The following DCT variants were observed in gnomAD, a reference collection of about 807,000 sequenced individuals.
The protein encoded by DCT is L-dopachrome tautomerase.
In DCT, 47 loss-of-function variants were observed where a neutral mutation model predicts 53.0. That is an observed-to-expected ratio of 0.89 (90% confidence interval 0.70 to 1.13). The LOEUF (loss-of-function observed/expected upper bound fraction) is 1.13, where lower values mean the gene tolerates loss of function less well. DCT is among the 50% of genes most tolerant of loss of function. The pLI is 0.00. For synonymous variants in DCT, 244 were observed against 237.0 expected (o/e 1.03, Z -0.27); for missense variants, 669 against 637.4 (o/e 1.05, Z -0.53).
At chr13:94,500,179 C>T in the DCT span, among the ~76,000 whole-genome samples, 1 of 152,252 alleles carries the variant, frequency 6.6e-6, no homozygotes, top group South Asian at 2.1e-4. Context: ...CACTTCCCAT[C>T]CCTGACAACA....
At chr13:94,500,917 C>T in the DCT span, among the ~76,000 whole-genome samples, 232 of 152,312 alleles carry the variant, frequency 1.5e-3, no homozygotes, top group Non-Finnish European at 2.7e-3. Context: ...CATTTGGTGA[C>T]GATCCTTCCA....
the DCT span, among the ~76,000 whole-genome samples, chr13:94,502,977 T>C: frequency 1.3e-5 from 2 of 152,322 alleles, no homozygotes; most frequent in East Asian, 3.9e-4. Context: ...TATAAAATAT[T>C]GTTAGAAACA....
chr13:94,485,299 T>A, the DCT span, among the ~76,000 whole-genome samples: 1 of 152,186 alleles, frequency 6.6e-6, no homozygotes, highest in Admixed American at 6.5e-5. Context: ...AGGTAGAACC[T>A]TGGAGGGCTC....
At chr13:94,457,232 G>A (rs952553040) in intron 6 of DCT, among the ~76,000 whole-genome samples, 1 of 152,226 alleles carries the variant, frequency 6.6e-6, no homozygotes, top group Non-Finnish European at 1.5e-5. Context: ...CAAAATCTGT[G>A]TGTTGAAGCC....
At chr13:94,548,459 C>T in the DCT span, among the ~76,000 whole-genome samples, 1 of 152,158 alleles carries the variant, frequency 6.6e-6, no homozygotes, top group Non-Finnish European at 1.5e-5. Context: ...GTCCAGCAAC[C>T]CGCCACCTCA....
intron 6 of DCT, among the ~76,000 whole-genome samples, chr13:94,450,455 G>A (rs868685972): frequency 6.6e-6 from 1 of 152,076 alleles, no homozygotes; most frequent in Admixed American, 6.6e-5. Context: ...GTATTTCTCA[G>A]GCATTTTGGA....
intron 1 of DCT, 84 bp from the exon 2 acceptor site, chr13:94,469,129 A>G (rs1253737748): frequency 1.7e-6 from 2 of 1,186,038 alleles, no homozygotes; most frequent in East Asian, 4.7e-5. Context: ...TGAAATTTGA[A>G]TGGAAGAGAA....
In DCT at chr13:94,479,243, A is replaced by C. The variant is rs1378188449; in HGVS notation, c.13T>G (p.Trp5Gly). Residue 5 changes from tryptophan (W) to glycine (G), a missense_variant, in exon 1 of 8, where the codon TGG becomes GGG. By Grantham distance (184) the Trp-to-Gly change is radical (BLOSUM62 -2). Coordinates refer to ENST00000377028, the MANE Select transcript of DCT (RefSeq NM_001922.5). MSPLWWGFLLSCLGC... is the reference protein window; with the variant it reads MSPLGWGFLLSCLGC... Reference sequence around the variant, plus strand: ...AAGCAACTGAGCAGAAACCCCCACCAAAGGGGGCTCATGGCTTTATAATTG... The same window carrying C: ...AAGCAACTGAGCAGAAACCCCCACCCAAGGGGGCTCATGGCTTTATAATTG... 6.3e-7 allele frequency: 1 copy of C among 1,586,916 alleles called. No homozygotes were observed.
the DCT span, among the ~76,000 whole-genome samples, chr13:94,488,060 A>G: frequency 6.6e-6 from 1 of 151,740 alleles, no homozygotes; most frequent in Non-Finnish European, 1.5e-5. Flanking sequence ...ATTTATCTTT[A>G]TATTAATCTT....
intron 1 of DCT, among the ~76,000 whole-genome samples, chr13:94,472,550 ATATATATATATATATATATTTTTTT>A (rs1566855177): frequency 7.9e-5 from 2 of 25,210 alleles, no homozygotes; most frequent in South Asian, 1.4e-3. Context: ...ATATATATAT[ATATATATATATATATATATTTTTTT>A]TTTTTTTTTT....
intron 6 of DCT, among the ~76,000 whole-genome samples, chr13:94,456,875 A>G (rs1883444595): frequency 6.6e-6 from 1 of 152,250 alleles, no homozygotes; most frequent in African/African-American, 2.4e-5. Context: ...CACGCCTATA[A>G]TCTCAGCACT....
chr13:94,514,756 G>A, the DCT span, among the ~76,000 whole-genome samples: 2 of 152,202 alleles, frequency 1.3e-5, no homozygotes, highest in South Asian at 2.1e-4. Context: ...ACCTAGCCTC[G>A]CATGGCAGGC....
chr13:94,439,570 A>AT lies in DCT; in HGVS notation c.*327dup, dbSNP rs1055881464. On this transcript the variant is annotated 3_prime_UTR_variant, in exon 8 of 8. Transcript: ENST00000377028. ...GACTCCCCTGGATCAATGTTTTGGG[A>AT]TTTTTTTTGTTTTTTTTTAAATGCT... is the stretch of plus-strand genomic sequence containing the variant. 30 of 53,046 alleles carry AT rather than the reference A, an allele frequency of 5.7e-4. No homozygotes were observed. Among genetic ancestry groups the AT allele is most frequent in the African/African-American group, 4.8e-3 (29 of 6,002 alleles). The allele number at this position is 53,046 out of a possible 1,614,324, so 3.3% of individuals were successfully genotyped here. A position where few individuals can be genotyped will look rare whatever the true frequency, so the allele number is the denominator to read the frequency against.
intron 2 of DCT, 23 bp downstream of exon 2, chr13:94,468,723 C>T: frequency 6.2e-7 from 1 of 1,603,918 alleles, no homozygotes; most frequent in South Asian, 1.1e-5. Context: ...AATAATATAC[C>T]TTCAGCCAAG....
At chr13:94,472,616 C>T (rs1884820808) in intron 1 of DCT, among the ~76,000 whole-genome samples, 2 of 113,748 alleles carry the variant, frequency 1.8e-5, no homozygotes, top group Admixed American at 2.4e-4. Context: ...CAGTCTCACT[C>T]TGTCACCCAG....
the DCT span, among the ~76,000 whole-genome samples, chr13:94,501,185 C>T: frequency 1.3e-5 from 2 of 152,074 alleles, no homozygotes; most frequent in African/African-American, 2.4e-5. Flanking sequence ...AGGAGAATGG[C>T]GTGAACCCGG....
the DCT span, among the ~76,000 whole-genome samples, chr13:94,496,815 G>A: frequency 2.1e-4 from 32 of 152,178 alleles, no homozygotes; most frequent in Middle Eastern, 0.01. Flanking sequence ...ATGGATATTC[G>A]GCTTCTGCAG....
the DCT span, among the ~76,000 whole-genome samples, chr13:94,495,015 C>T: frequency 2.0e-5 from 3 of 152,200 alleles, no homozygotes; most frequent in Non-Finnish European, 4.4e-5. Flanking sequence ...CAAACATCCT[C>T]GTCAATTAAT....
At chr13:94,515,106 T>G in the DCT span, among the ~76,000 whole-genome samples, 42 of 152,288 alleles carry the variant, frequency 2.8e-4, no homozygotes, top group African/African-American at 9.6e-4. Context: ...TGGCAGTCTA[T>G]GAACCAGGAA....
Sources: gnomAD v4.1 joint callset for allele counts (sites outside exome capture counted in the v4.1 genomes callset) on GRCh38, gnomAD v4.1.1 for gene constraint, MANE v1.5 for transcripts, NCBI Gene and HGNC (gene_info 2026-07-23, HGNC 2026-07-21) for gene names.